SLC8A1: variants seen among roughly 807,000 people sequenced by gnomAD.
The protein encoded by SLC8A1 is solute carrier family 8 member A1.
SLC8A1 carries 18 observed loss-of-function variants against 68.3 expected under a neutral mutation model. The ratio of observed to expected loss-of-function variants is 0.26; its 90% CI spans 0.18 to 0.39. The LOEUF is 0.39. SLC8A1 is among the 10% of genes least tolerant of loss of function. The pLI, the probability that SLC8A1 is intolerant of heterozygous loss-of-function variation, is 1.00. For synonymous variants in SLC8A1, 475 were observed against 415.5 expected (o/e 1.14, Z -1.74); for missense variants, 985 against 1,156.7 (o/e 0.85, Z 2.15).
intron 2 of SLC8A1, among the ~76,000 whole-genome samples, chr2:40,352,973 T>A (rs1671574283): frequency 6.6e-6 from 1 of 152,106 alleles, no homozygotes; most frequent in Non-Finnish European, 1.5e-5. Context: ...GGCATAACTC[T>A]CACTTACGGA....
chr2:40,242,832 CT>C (rs1238863905), intron 2 of SLC8A1, among the ~76,000 whole-genome samples: 2 of 152,184 alleles, frequency 1.3e-5, no homozygotes, highest in Non-Finnish European at 2.9e-5. Context: ...ATTTTTGTCT[CT>C]GGGCAAAGTT....
At chr2:40,346,468 G>C (rs1287488219) in intron 2 of SLC8A1, among the ~76,000 whole-genome samples, 1 of 152,152 alleles carries the variant, frequency 6.6e-6, no homozygotes, top group African/African-American at 2.4e-5. Flanking sequence ...TCAGTGTTGT[G>C]ACCAGCACTG....
chr2:40,455,562 A>G (rs1198014530), upstream of SLC8A1, among the ~76,000 whole-genome samples: 1 of 108,344 alleles, frequency 9.2e-6, no homozygotes, highest in Non-Finnish European at 2.1e-5. Flanking sequence ...ATTACATAAT[A>G]GCCCCTAGCC....
intron 1 of SLC8A1, among the ~76,000 whole-genome samples, chr2:40,473,062 G>A (rs1704082752): frequency 6.6e-6 from 1 of 151,718 alleles, no homozygotes; most frequent in Non-Finnish European, 1.5e-5. Context: ...CAGAATGGCG[G>A]GAGGGGGCGG....
chr2:40,161,005 A>C, intron 5 of SLC8A1, 141 bp from the exon 9 acceptor site: 1 of 624,808 alleles, frequency 1.6e-6, no homozygotes, highest in Non-Finnish European at 2.9e-6. Flanking sequence ...GACATCAAAC[A>C]CTGTTATGAT....
At chr2:40,417,026 A>G (rs1000538950) in intron 2 of SLC8A1, among the ~76,000 whole-genome samples, 1 of 152,146 alleles carries the variant, frequency 6.6e-6, no homozygotes, top group East Asian at 1.9e-4. Context: ...GGCAAAGTAC[A>G]GAGGTCTCTG....
At chr2:40,417,566 T>C (rs1475663824) in intron 2 of SLC8A1, among the ~76,000 whole-genome samples, 1 of 152,144 alleles carries the variant, frequency 6.6e-6, no homozygotes, top group Non-Finnish European at 1.5e-5. Context: ...TGGAGTGCAG[T>C]GGTGTGATCA....
chr2:40,112,338 GC>G (rs55841207), exon 8 of SLC8A1: 86,753 of 145,738 alleles, frequency 0.6, 26,132 homozygotes, highest in Non-Finnish European at 0.62. Context: ...TGCATTTCCC[GC>G]CCCCCCCCCA....
exon 8 of SLC8A1, chr2:40,108,228 C>T (rs1254283743): frequency 6.6e-6 from 1 of 152,084 alleles, no homozygotes; most frequent in South Asian, 2.1e-4. Context: ...TAATGAGATA[C>T]CTGTACAGGT....
intron 2 of SLC8A1, among the ~76,000 whole-genome samples, chr2:40,336,531 C>CT (rs1267436058): frequency 6.6e-6 from 1 of 152,138 alleles, no homozygotes; most frequent in Non-Finnish European, 1.5e-5. Context: ...CCATAAGGCT[C>CT]TTTTCTGAAA....
In SLC8A1 at chr2:40,104,262, CAG is replaced by C. The variant is rs1432227973; in HGVS notation, c.*10989_*10990del. ...CCTCAAAGTCCAAAAGAGCAACAGG[CAG>C]AGTTAAGAAAATCCAGTGATGAATT... is the stretch of plus-strand genomic sequence containing the variant. On this transcript the variant is annotated 3_prime_UTR_variant, in exon 8 of 8. Transcript: ENST00000406785. 7.9e-5 allele frequency: 12 copies of C among 152,182 alleles called. No individual in the cohort carries two copies. In the East Asian group the frequency reaches 2.3e-3, roughly 29 times the overall value. 9.4% of individuals were successfully genotyped at this position (152,182 alleles called of 1,614,324 possible).
intron 2 of SLC8A1, among the ~76,000 whole-genome samples, chr2:40,179,501 A>G (rs1220988159): frequency 6.6e-6 from 1 of 152,244 alleles, no homozygotes; most frequent in African/African-American, 2.4e-5. Context: ...CTTATAATTA[A>G]TAAGGGCTTA....
At chr2:40,236,467 A>C (rs2060387842) in intron 2 of SLC8A1, among the ~76,000 whole-genome samples, 1 of 152,024 alleles carries the variant, frequency 6.6e-6, no homozygotes, top group Non-Finnish European at 1.5e-5. Context: ...ATCTTCCTCC[A>C]TCCTTTTATT....
chr2:40,418,665 C>T (rs750328824), intron 2 of SLC8A1, among the ~76,000 whole-genome samples: 4 of 152,194 alleles, frequency 2.6e-5, no homozygotes, highest in Non-Finnish European at 4.4e-5. Context: ...TAATGCACAG[C>T]ATTAAGAAGC....
chr2:40,098,134 A>C (rs1279875978), exon 8 of SLC8A1: 1 of 152,046 alleles, frequency 6.6e-6, no homozygotes, highest in African/African-American at 2.4e-5. Flanking sequence ...TCATACTTAT[A>C]GTCCTAAAGG....
chr2:40,151,135 CA>C (rs1193455658), intron 6 of SLC8A1, among the ~76,000 whole-genome samples: 1 of 152,118 alleles, frequency 6.6e-6, no homozygotes, highest in African/African-American at 2.4e-5. Flanking sequence ...GTCCAATTTG[CA>C]AATACACAGA....
Position 40,425,315 on chromosome 2 carries a change from T to C in SLC8A1, c.1808+3158A>G, listed in dbSNP as rs969986811. Among the ~76,000 whole-genome samples the C allele has an allele frequency of 1.1e-4, 16 of 150,088 alleles. 1 individual carries two copies. Among genetic ancestry groups the C allele is most frequent in the Non-Finnish European group, 4.4e-5 (3 of 67,784 alleles). ...AATATTTATAGACATTTTTATATTA[T>C]AAATTTAAATGACTATTTCTACACT... is the stretch of plus-strand genomic sequence containing the variant. On this transcript the variant is annotated intron_variant, in intron 2 of 7. Coordinates refer to ENST00000406785, the Ensembl canonical transcript of SLC8A1.
At chr2:40,322,191 G>A (rs1184397226) in intron 2 of SLC8A1, among the ~76,000 whole-genome samples, 2 of 152,138 alleles carry the variant, frequency 1.3e-5, no homozygotes, top group African/African-American at 4.8e-5. Context: ...TGCATAGTAA[G>A]AAACGAGTTT....
At chr2:40,261,130 G>A (rs1228098934) in intron 2 of SLC8A1, among the ~76,000 whole-genome samples, 1 of 152,162 alleles carries the variant, frequency 6.6e-6, no homozygotes, top group East Asian at 1.9e-4. Context: ...AGAATCTTCT[G>A]TAGTAGAAAG....
Sources: gnomAD v4.1 joint callset for allele counts (sites outside exome capture counted in the v4.1 genomes callset) on GRCh38, gnomAD v4.1.1 for gene constraint, MANE v1.5 for transcripts, NCBI Gene and HGNC (gene_info 2026-07-23, HGNC 2026-07-21) for gene names.